The following KCNH7 variants were observed in gnomAD, a reference collection of about 807,000 sequenced individuals.
KCNH7 encodes the protein voltage-gated inwardly rectifying potassium channel KCNH7.
In KCNH7, 49 loss-of-function variants were observed where a neutral mutation model predicts 120.8. The observed-to-expected ratio is 0.41, with a 90% confidence interval of 0.32 to 0.51. The LOEUF is 0.51. Among genes scored for constraint, KCNH7 ranks in the 20% least tolerant of loss-of-function variants. The pLI is 0.38. For synonymous variants in KCNH7, 547 were observed against 516.1 expected, an observed-to-expected ratio of 1.06 and a Z score of -0.81; for missense variants, 1,097 against 1,446.6, an observed-to-expected ratio of 0.76 and a Z score of 3.92.
At chr2:162,556,739 A>C (rs557578822) in intron 2 of KCNH7, among the ~76,000 whole-genome samples, 77 of 152,332 alleles carry the variant, frequency 5.1e-4, no homozygotes, top group African/African-American at 1.7e-3. Flanking sequence ...TTGTCTTCAC[A>C]TATAGATTTC....
intron 6 of KCNH7, among the ~76,000 whole-genome samples, chr2:162,468,826 C>T (rs1573994530): frequency 6.6e-6 from 1 of 151,452 alleles, no homozygotes; most frequent in South Asian, 2.1e-4. Flanking sequence ...GGATTACAGG[C>T]GTGAGCCACT....
At chr2:162,558,186 T>TA (rs905511308) in intron 2 of KCNH7, among the ~76,000 whole-genome samples, 9 of 152,082 alleles carry the variant, frequency 5.9e-5, no homozygotes, top group African/African-American at 2.2e-4. Context: ...TTTTTTTTTT[T>TA]TCTTTTTTTG....
chr2:162,707,737 T>A (rs2105352857), intron 2 of KCNH7, among the ~76,000 whole-genome samples: 1 of 152,154 alleles, frequency 6.6e-6, no homozygotes, highest in East Asian at 1.9e-4. Flanking sequence ...ACAGTAGAAG[T>A]GAAAAAGAGA....
At chr2:162,744,998 T>G (rs1362765135) in intron 2 of KCNH7, among the ~76,000 whole-genome samples, 3 of 152,226 alleles carry the variant, frequency 2.0e-5, no homozygotes, top group Non-Finnish European at 4.4e-5. Flanking sequence ...ACAAACACTT[T>G]GCAAGAGAAG....
chr2:162,540,764 G>A (rs1692276325), intron 2 of KCNH7, among the ~76,000 whole-genome samples: 2 of 152,034 alleles, frequency 1.3e-5, no homozygotes, highest in Non-Finnish European at 2.9e-5. Context: ...TTTTATCCAG[G>A]GGTTAGCATG....
intron 6 of KCNH7, among the ~76,000 whole-genome samples, chr2:162,487,444 C>T (rs1007008743): frequency 3.9e-5 from 6 of 152,016 alleles, no homozygotes; most frequent in African/African-American, 1.4e-4. Flanking sequence ...GATTCTCAGG[C>T]TCCACTGATA....
chr2:162,824,326 G>A lies in KCNH7; in HGVS notation c.307+12211C>T, dbSNP rs76491403. On this transcript the variant is annotated intron_variant, in intron 2 of 15. Transcript: ENST00000332142. The stretch of plus-strand genomic sequence containing the variant: ...GGAAACATGACCTGCAAAGAAACAA[G>A]TTCTGCAATTTTCGAATGAATAGAT... Among the ~76,000 whole-genome samples the A allele has an allele frequency of 7.2e-3, 1,095 of 152,256 alleles. 2 individuals are homozygous for A. The highest frequency in any genetic ancestry group is 0.011 in the Non-Finnish European group (774 of 67,990).
At chr2:162,655,677 C>T (rs1166071140) in intron 2 of KCNH7, among the ~76,000 whole-genome samples, 1 of 152,026 alleles carries the variant, frequency 6.6e-6, no homozygotes, top group Non-Finnish European at 1.5e-5. Context: ...CTTGTAGTCC[C>T]AGCTACTTCG....
intron 9 of KCNH7, among the ~76,000 whole-genome samples, chr2:162,415,913 A>G (rs1687529338): frequency 6.6e-6 from 1 of 152,092 alleles, no homozygotes; most frequent in African/African-American, 2.4e-5. Flanking sequence ...TCCACCCATG[A>G]TTTCTCTAGG....
intron 6 of KCNH7, among the ~76,000 whole-genome samples, chr2:162,448,252 A>G (rs1440018783): frequency 2.0e-5 from 3 of 152,074 alleles, no homozygotes; most frequent in Non-Finnish European, 2.9e-5. Context: ...TAGTATAGAG[A>G]ACCAGTGTGT....
intron 2 of KCNH7, among the ~76,000 whole-genome samples, chr2:162,636,979 A>G (rs551780329): frequency 2.6e-5 from 4 of 152,218 alleles, no homozygotes; most frequent in Admixed American, 2.6e-4. Flanking sequence ...CCATTCTTTC[A>G]AACTATGGAA....
chr2:162,550,703 G>A (rs1357213235), intron 2 of KCNH7, among the ~76,000 whole-genome samples: 2 of 152,014 alleles, frequency 1.3e-5, no homozygotes, highest in African/African-American at 2.4e-5. Context: ...TACCAAATTT[G>A]AGCGTTTCAA....
chr2:162,406,673 T>C (rs1436584746), intron 9 of KCNH7, among the ~76,000 whole-genome samples: 1 of 152,044 alleles, frequency 6.6e-6, no homozygotes, highest in African/African-American at 2.4e-5. Flanking sequence ...ATCTCTGTCC[T>C]AGCATACAGC....
At chr2:162,514,893 G>A (rs1176146031) in intron 4 of KCNH7, among the ~76,000 whole-genome samples, 1 of 151,646 alleles carries the variant, frequency 6.6e-6, no homozygotes, top group African/African-American at 2.4e-5. Flanking sequence ...GCCTGTACAG[G>A]AGAACATTTT....
chr2:162,648,391 G>A (rs1435007), intron 2 of KCNH7, among the ~76,000 whole-genome samples: 38,364 of 152,046 alleles, frequency 0.25, 7,714 homozygotes, highest in African/African-American at 0.54. Context: ...CCATGATTCA[G>A]TCACCTCCCA....
intron 2 of KCNH7, among the ~76,000 whole-genome samples, chr2:162,583,160 G>T (rs2105920141): frequency 6.6e-6 from 1 of 152,028 alleles, no homozygotes; most frequent in African/African-American, 2.4e-5. Flanking sequence ...AACTGTAATT[G>T]GTTATGATAT....
chr2:162,557,917 G>A (rs771004723), intron 2 of KCNH7, among the ~76,000 whole-genome samples: 8 of 152,044 alleles, frequency 5.3e-5, no homozygotes, highest in African/African-American at 1.9e-4. Context: ...GTAATTATAC[G>A]ACAAGTTTGC....
intron 2 of KCNH7, among the ~76,000 whole-genome samples, chr2:162,740,925 G>T (rs1688104236): frequency 6.6e-6 from 1 of 152,102 alleles, no homozygotes; most frequent in East Asian, 1.9e-4. Context: ...GGGTTTGGTA[G>T]TTTTCTCTAT....
rs1350941324 is a variant in KCNH7 at position 162,809,942 on chromosome 2, G to A, written c.307+26595C>T. ...TTTTTTTTTTTTTTTTTGAGACGGA[G>A]TCTCGCTCTGTCGCCCAGGCTGGAG... On this transcript the variant is annotated intron_variant, in intron 2 of 15. Transcript: ENST00000332142. Among the ~76,000 whole-genome samples the A allele has an allele frequency of 1.2e-4, 2 of 16,190 alleles. 1 individual carries two copies. The highest frequency in any genetic ancestry group is 3.1e-4 in the Non-Finnish European group (2 of 6,370). The allele number at this position is 16,190 out of a possible 152,430, so 10.6% of individuals were successfully genotyped here. A position where few individuals can be genotyped will look rare whatever the true frequency, so the allele number is the denominator to read the frequency against.
Sources: allele counts gnomAD v4.1 joint callset (sites outside exome capture counted in the v4.1 genomes callset), GRCh38; gene constraint gnomAD v4.1.1; transcripts MANE v1.5; gene names NCBI Gene and HGNC (gene_info 2026-07-23, HGNC 2026-07-21).